Variants in F13A1 observed in about 807,000 individuals in gnomAD.
F13A1 encodes the protein coagulation factor XIII A chain, also known as FSF, A subunit.
A neutral mutation model predicts 80.1 loss-of-function variants in F13A1; 47 were observed. The ratio of observed to expected loss-of-function variants is 0.59; its 90% CI spans 0.46 to 0.75. The LOEUF is 0.75. F13A1 is among the 30% of genes least tolerant of loss of function. The pLI, the probability that F13A1 is intolerant of heterozygous loss-of-function variation, is 0.00. For synonymous variants in F13A1, 349 were observed against 344.9 expected (o/e 1.01, Z -0.13); for missense variants, 817 against 930.4 (o/e 0.88, Z 1.59).
intron 2 of F13A1, among the ~76,000 whole-genome samples, chr6:6,308,474 AAG>A (rs567371699): frequency 6.6e-6 from 1 of 151,792 alleles, no homozygotes; most frequent in East Asian, 1.9e-4. Flanking sequence ...AAAAAAAAAA[AAG>A]AGACCATTAC....
chr6:6,182,296 T>C (rs1321692079), intron 10 of F13A1, among the ~76,000 whole-genome samples, 155 bp from the exon 11 acceptor site: 1 of 152,224 alleles, frequency 6.6e-6, no homozygotes, highest in East Asian at 1.9e-4. Flanking sequence ...AAACAGGTTT[T>C]GAAAATATTC....
intron 8 of F13A1, among the ~76,000 whole-genome samples, chr6:6,213,038 C>G (rs1227661303): frequency 6.6e-6 from 1 of 152,022 alleles, no homozygotes. Flanking sequence ...GTGAAAAGAC[C>G]AAATCTACGT....
chr6:6,145,820 C>CT (rs1760267815), intron 14 of F13A1, 48 bp from the exon 15 acceptor site: 2 of 1,613,376 alleles, frequency 1.2e-6, no homozygotes, highest in African/African-American at 2.7e-5. Context: ...CAGCTTTCCA[C>CT]TTTGATCAGG....
chr6:6,174,493 G>T, intron 12 of F13A1, 87 bp downstream of exon 12: 1 of 1,439,422 alleles, frequency 6.9e-7, no homozygotes, highest in Non-Finnish European at 9.8e-7. Context: ...CTTTAACTTT[G>T]ATATAAAGCT....
intron 14 of F13A1, among the ~76,000 whole-genome samples, chr6:6,148,508 G>T (rs1459889797): frequency 6.6e-6 from 1 of 152,216 alleles, no homozygotes; most frequent in Non-Finnish European, 1.5e-5. Flanking sequence ...AAGAAATACG[G>T]TCTTGCAAAG....
chr6:6,285,423 G>A (rs1201721896), intron 3 of F13A1, among the ~76,000 whole-genome samples: 1 of 152,238 alleles, frequency 6.6e-6, no homozygotes, highest in Non-Finnish European at 1.5e-5. Flanking sequence ...CAAGGAAGTT[G>A]AAGAAGCCAA....
chr6:6,233,807 T>C (rs538256863), intron 6 of F13A1, among the ~76,000 whole-genome samples: 1 of 152,218 alleles, frequency 6.6e-6, no homozygotes, highest in African/African-American at 2.4e-5. Flanking sequence ...CACAAGTCAA[T>C]AAATGTGATG....
At chr6:6,201,606 G>A (rs1396112894) in intron 8 of F13A1, among the ~76,000 whole-genome samples, 2 of 152,188 alleles carry the variant, frequency 1.3e-5, no homozygotes, top group African/African-American at 4.8e-5. Context: ...TTTCCATTTG[G>A]CTGACATTAC....
intron 8 of F13A1, among the ~76,000 whole-genome samples, chr6:6,202,775 T>A (rs1049927661): frequency 6.6e-6 from 1 of 152,246 alleles, no homozygotes. Context: ...TTTATGTTTC[T>A]TCCTGTGTGT....
At position 6,305,258 on chromosome 6, in the gene F13A1, T is replaced by C. The variant is rs771853935; in HGVS notation, c.319+93A>G. 7 of 1,391,000 alleles carry C rather than the reference T, an allele frequency of 5.0e-6. No individual in the cohort carries two copies. The African/African-American group carries it at 5.7e-5, about 11-fold the overall frequency. The allele number at this position is 1,391,000 out of a possible 1,614,324, so 86.2% of individuals were successfully genotyped here. ...TCCAGCTCCTGCCACTGTTGACATATGACACTAGGAAATCACACAACTGTG... is the reference window on the plus strand; with the variant it reads ...TCCAGCTCCTGCCACTGTTGACATACGACACTAGGAAATCACACAACTGTG... On this transcript the variant is annotated intron_variant, in intron 3 of 14. Transcript: ENST00000264870.
intron 8 of F13A1, among the ~76,000 whole-genome samples, chr6:6,203,838 G>A (rs1292352884): frequency 6.6e-6 from 1 of 152,220 alleles, no homozygotes; most frequent in Non-Finnish European, 1.5e-5. Context: ...AAATGTTACA[G>A]ATGTTCTGAG....
At chr6:6,320,472 G>A (rs2113210159) in intron 1 of F13A1, 115 bp downstream of exon 1, 1 of 334,214 alleles carries the variant, frequency 3.0e-6, no homozygotes, top group East Asian at 8.9e-5. Flanking sequence ...GGAGCTGCCT[G>A]TGACCGGCGC....
At chr6:6,299,777 T>A (rs1358237698) in intron 3 of F13A1, among the ~76,000 whole-genome samples, 1 of 148,272 alleles carries the variant, frequency 6.7e-6, no homozygotes, top group Non-Finnish European at 1.5e-5. Context: ...TCCAGCTTTG[T>A]TCCGTTGCTG....
chr6:6,240,774 T>C (rs778096391), intron 6 of F13A1, among the ~76,000 whole-genome samples: 1 of 152,252 alleles, frequency 6.6e-6, no homozygotes, highest in Non-Finnish European at 1.5e-5. Flanking sequence ...GGTGACCTTA[T>C]GGTATTGTTT....
chr6:6,165,600 A>G (rs934764860), intron 13 of F13A1, among the ~76,000 whole-genome samples: 2 of 152,088 alleles, frequency 1.3e-5, no homozygotes, highest in African/African-American at 2.4e-5. Flanking sequence ...AACCTGCGCA[A>G]TAGCCCAGAA....
chr6:6,290,090 A>C (rs1758203039), intron 3 of F13A1, among the ~76,000 whole-genome samples: 1 of 152,234 alleles, frequency 6.6e-6, no homozygotes, highest in Admixed American at 6.5e-5. Context: ...TGCTTTGCAC[A>C]TACAAAGTAT....
At chr6:6,184,832 C>T (rs748570429) in intron 10 of F13A1, among the ~76,000 whole-genome samples, 10 of 152,044 alleles carry the variant, frequency 6.6e-5, no homozygotes, top group Non-Finnish European at 1.3e-4. Flanking sequence ...AGAGAGGAGA[C>T]GAGAAACACC....
intron 3 of F13A1, among the ~76,000 whole-genome samples, chr6:6,294,390 C>A (rs921564579): frequency 3.3e-5 from 5 of 152,162 alleles, no homozygotes; most frequent in African/African-American, 9.6e-5. Flanking sequence ...ACATCAGACT[C>A]CAAGTTCTTC....
Position 6,197,257 on chromosome 6 carries a change from T to C in F13A1, c.1182A>G (p.Gln394=), listed in dbSNP as rs747647584. The C allele has an allele frequency of 2.4e-5, 39 of 1,614,106 alleles. No homozygotes were observed. The highest frequency in any genetic ancestry group is 3.2e-5 in the Non-Finnish European group (38 of 1,180,038). ...TTTCCTGGGGGGTGCTGTCCACAGCTTGCCAGCCTCCAAATCCAACAGGAA... is the reference window on the plus strand; with the variant it reads ...TTTCCTGGGGGGTGCTGTCCACAGCCTGCCAGCCTCCAAATCCAACAGGAA... ...PDLPVGFGGW[Q]AVDSTPQENS... is the part of the protein sequence containing the mutation. Residue 394 remains glutamine (Q), a synonymous_variant, in exon 9 of 15, where the codon CAA becomes CAG. Transcript: ENST00000264870.
Sources: allele counts gnomAD v4.1 joint callset (sites outside exome capture counted in the v4.1 genomes callset), GRCh38; gene constraint gnomAD v4.1.1; transcripts MANE v1.5; gene names NCBI Gene and HGNC (gene_info 2026-07-23, HGNC 2026-07-21).